Variants in SERTM1 observed in about 807,000 individuals in gnomAD.
The protein encoded by SERTM1 is serine rich and transmembrane domain containing 1.
In SERTM1, 1 loss-of-function variant was observed where a neutral mutation model predicts 5.5. The observed-to-expected ratio is 0.18, with a 90% CI of 0.06 to 0.86. The LOEUF is 0.86. Among genes scored for constraint, SERTM1 ranks in the 40% least tolerant of loss-of-function variants. SERTM1 has a pLI of 0.69. For synonymous variants in SERTM1, 52 were observed against 55.1 expected (o/e 0.94, Z 0.25); for missense variants, 91 against 122.4 (o/e 0.74, Z 1.21).
intron 1 of SERTM1, among the ~76,000 whole-genome samples, chr13:36,680,640 T>C (rs553298633): frequency 4.6e-5 from 7 of 152,362 alleles, no homozygotes; most frequent in African/African-American, 1.7e-4. Flanking sequence ...TCCTGATTGC[T>C]AAAGACTTGT....
At chr13:36,683,298 C>T (rs139108310) in intron 1 of SERTM1, among the ~76,000 whole-genome samples, 3 of 152,250 alleles carry the variant, frequency 2.0e-5, no homozygotes, top group Non-Finnish European at 4.4e-5. Flanking sequence ...TTAAAGCTAA[C>T]CAAAACAGCC....
chr13:36,689,921 G>T lies in SERTM1; in HGVS notation c.-173-4985G>T, dbSNP rs181804087. 3.4e-3 allele frequency among the ~76,000 whole-genome samples: 518 copies of T among 152,216 alleles called. 3 individuals are homozygous for T. Among genetic ancestry groups the T allele is most frequent in the Middle Eastern group, 6.8e-3 (2 of 294 alleles). On this transcript the variant is annotated intron_variant, in intron 1 of 1. Transcript: ENST00000315190. ...AAACCATCACTAAGGGAGAGATGGAGAGACTGGGCCGAACCCAAAGCAACC... is the reference window on the plus strand; with the variant it reads ...AAACCATCACTAAGGGAGAGATGGATAGACTGGGCCGAACCCAAAGCAACC...
chr13:36,687,154 G>A (rs2056746478), intron 1 of SERTM1, among the ~76,000 whole-genome samples: 1 of 152,180 alleles, frequency 6.6e-6, no homozygotes, highest in Admixed American at 6.5e-5. Context: ...GGTTCTATCT[G>A]TAGTTGTGTT....
intron 1 of SERTM1, among the ~76,000 whole-genome samples, chr13:36,677,995 A>G (rs1033570759): frequency 6.6e-6 from 1 of 152,226 alleles, no homozygotes; most frequent in Non-Finnish European, 1.5e-5. Flanking sequence ...AAAAAATGGT[A>G]GAAATGAACC....
chr13:36,696,530 C>T lies in SERTM1; in HGVS notation c.*1128C>T, dbSNP rs1476415053. ...GTTTGTATTAAAAATTGTAGGCACTCAAGTTGTGTAGCTGCTGGGAGCTTT... is the reference window on the plus strand; with the variant it reads ...GTTTGTATTAAAAATTGTAGGCACTTAAGTTGTGTAGCTGCTGGGAGCTTT... On this transcript the variant is annotated 3_prime_UTR_variant, in exon 2 of 2. Transcript: ENST00000315190. 6.0e-6 allele frequency: 1 copy of T among 166,956 alleles called. No homozygotes were observed. Among genetic ancestry groups the T allele is most frequent in the African/African-American group, 2.4e-5 (1 of 41,408 alleles). 10.3% of individuals were successfully genotyped at this position (166,956 alleles called of 1,614,324 possible).
intron 1 of SERTM1, among the ~76,000 whole-genome samples, chr13:36,678,960 C>T (rs377748720): frequency 6.6e-6 from 1 of 152,022 alleles, no homozygotes; most frequent in Non-Finnish European, 1.5e-5. Context: ...ATGCAACAAG[C>T]AGTAGACCTT....
rs1377686576 is a variant in SERTM1, at chr13:36,694,995, GA to G, written c.-78del. Reference sequence around the variant, plus strand: ...CTGTGAATTCTGCAAACACGATCGTGAAAAAATGCCAATCTGTCCTGTGTAA... The same window carrying G: ...CTGTGAATTCTGCAAACACGATCGTGAAAAATGCCAATCTGTCCTGTGTAA... On this transcript the variant is annotated 5_prime_UTR_variant, in exon 2 of 2. In the 5' UTR this introduces an upstream ATG that the reference lacks. Coordinates refer to ENST00000315190, the MANE Select transcript of SERTM1 (RefSeq NM_203451.3). 2.7e-5 allele frequency: 27 copies of G among 1,002,290 alleles called. No homozygotes were observed. The South Asian group carries it at 3.9e-4, about 14-fold the overall frequency. The allele number at this position is 1,002,290 out of a possible 1,614,324, so 62.1% of individuals were successfully genotyped here. A position where few individuals can be genotyped will look rare whatever the true frequency, so the allele number is the denominator to read the frequency against.
At chr13:36,688,415 G>A (rs1411779426) in intron 1 of SERTM1, among the ~76,000 whole-genome samples, 2 of 152,018 alleles carry the variant, frequency 1.3e-5, no homozygotes, top group African/African-American at 4.8e-5. Flanking sequence ...TTTTCTTCAT[G>A]TTGCCCAGGC....
chr13:36,687,173 C>A (rs1196312979), intron 1 of SERTM1, among the ~76,000 whole-genome samples: 2 of 152,068 alleles, frequency 1.3e-5, no homozygotes, highest in Admixed American at 1.3e-4. Flanking sequence ...TTATGAGAAA[C>A]AATGGTTCAT....
rs1332917862 is a variant in SERTM1, at chr13:36,679,973, C to T, written c.-174+5789C>T. 5.3e-5 allele frequency among the ~76,000 whole-genome samples: 8 copies of T among 152,306 alleles called. 1 individual carries two copies. In the East Asian group the frequency reaches 1.5e-3, roughly 29 times the overall value. Reference sequence around the variant, plus strand: ...TAAACATATTGTATAAAATTACCTTCAGCCTATGTGTATAAGGTGTATATG... The same window carrying T: ...TAAACATATTGTATAAAATTACCTTTAGCCTATGTGTATAAGGTGTATATG... On this transcript the variant is annotated intron_variant, in intron 1 of 1. Transcript: ENST00000315190.
At position 36,686,225 on chromosome 13, in the gene SERTM1, T is replaced by G. The variant is rs566654408; in HGVS notation, c.-173-8681T>G. Among the ~76,000 whole-genome samples, 4 of 152,354 alleles carry G rather than the reference T, an allele frequency of 2.6e-5. No homozygotes were observed. The South Asian group carries it at 8.3e-4, about 32-fold the overall frequency. On this transcript the variant is annotated intron_variant, in intron 1 of 1. Coordinates refer to ENST00000315190, the MANE Select transcript of SERTM1 (RefSeq NM_203451.3). ...CAGCTCCCTCTAGTTCATCCTCTGA[T>G]GCTTCACTGCAAGTGTTTGTGGCTT... is the stretch of plus-strand genomic sequence containing the variant.
chr13:36,697,609 A>G lies in SERTM1; in HGVS notation c.*2207A>G, dbSNP rs183386608. On this transcript the variant is annotated 3_prime_UTR_variant, in exon 2 of 2. Coordinates refer to ENST00000315190, the MANE Select transcript of SERTM1 (RefSeq NM_203451.3). The stretch of plus-strand genomic sequence containing the variant: ...GACAGCAAAACTACTTTAAAAATCA[A>G]ATCAAATCAAATCCACAAGCACACT... 6.0e-6 allele frequency: 1 copy of G among 167,124 alleles called. No homozygotes were observed. Among genetic ancestry groups the G allele is most frequent in the East Asian group, 1.9e-4 (1 of 5,184 alleles). The allele number at this position is 167,124 out of a possible 1,614,324, so 10.4% of individuals were successfully genotyped here.
intron 1 of SERTM1, among the ~76,000 whole-genome samples, chr13:36,690,880 C>A (rs2056773480): frequency 6.6e-6 from 1 of 152,170 alleles, no homozygotes; most frequent in South Asian, 2.1e-4. Flanking sequence ...GACAGCAGAA[C>A]CTGATAATGA....
intron 1 of SERTM1, among the ~76,000 whole-genome samples, chr13:36,689,672 C>T (rs1474495097): frequency 6.6e-6 from 1 of 150,618 alleles, no homozygotes; most frequent in Non-Finnish European, 1.5e-5. Context: ...AAAGATTCTC[C>T]TGTGGTTTTT....
At position 36,694,987 on chromosome 13, in the gene SERTM1, A is replaced by G. The variant is rs1441852726; in HGVS notation, c.-92A>G. On this transcript the variant is annotated 5_prime_UTR_variant, in exon 2 of 2. Transcript: ENST00000315190. ...TTAACAGCCTGTGAATTCTGCAAAC[A>G]CGATCGTGAAAAAATGCCAATCTGT... 5.5e-6 allele frequency: 5 copies of G among 905,722 alleles called. No homozygotes were observed. Among genetic ancestry groups the G allele is most frequent in the Non-Finnish European group, 8.6e-6 (5 of 579,502 alleles). 56.1% of individuals were successfully genotyped at this position (905,722 alleles called of 1,614,324 possible).
chr13:36,680,389 T>G (rs150943114), intron 1 of SERTM1, among the ~76,000 whole-genome samples: 240 of 152,266 alleles, frequency 1.6e-3, no homozygotes, highest in African/African-American at 5.5e-3. Flanking sequence ...ATATTTTGAT[T>G]CATATGATGA....
chr13:36,678,677 A>ATT, intron 1 of SERTM1, among the ~76,000 whole-genome samples: 1 of 147,466 alleles, frequency 6.8e-6, no homozygotes, highest in Non-Finnish European at 1.5e-5. Flanking sequence ...ATAAAATAAA[A>ATT]TTTATATATA....
chr13:36,682,644 C>A lies in SERTM1; in HGVS notation c.-174+8460C>A, dbSNP rs1405230252. 2.6e-5 allele frequency among the ~76,000 whole-genome samples: 4 copies of A among 152,096 alleles called. No individual in the cohort carries two copies. In the East Asian group the frequency reaches 5.8e-4, roughly 22 times the overall value. ...GAGAATTGAAAACAGCATGTTATGC[C>A]TGGAACGCAAATCTTAGGTACAATG... is the stretch of plus-strand genomic sequence containing the variant. On this transcript the variant is annotated intron_variant, in intron 1 of 1. Transcript: ENST00000315190.
chr13:36,677,052 G>A (rs1286455032), intron 1 of SERTM1, among the ~76,000 whole-genome samples: 1 of 152,090 alleles, frequency 6.6e-6, no homozygotes, highest in Non-Finnish European at 1.5e-5. Flanking sequence ...ACAGTCTACT[G>A]GGCCAAATTC....
Sources: allele counts gnomAD v4.1 joint callset (sites outside exome capture counted in the v4.1 genomes callset), GRCh38; gene constraint gnomAD v4.1.1; transcripts MANE v1.5; gene names NCBI Gene and HGNC (gene_info 2026-07-23, HGNC 2026-07-21).